CDH12: variants seen among roughly 807,000 people sequenced by gnomAD.
CDH12 encodes the protein cadherin 12, also known as cadherin-12.
CDH12 carries 41 observed loss-of-function variants against 74.1 expected under a neutral mutation model. That is an observed-to-expected ratio of 0.55 (90% CI 0.43 to 0.72). The LOEUF (loss-of-function observed/expected upper bound fraction) is 0.72. Among genes scored for constraint, CDH12 ranks in the 30% least tolerant of loss-of-function variants. CDH12 has a pLI of 0.00. For missense variants in CDH12, 945 were observed against 977.2 expected, an observed-to-expected ratio of 0.97 and a Z score of 0.44; for synonymous variants, 399 against 355.0, an observed-to-expected ratio of 1.12 and a Z score of -1.39.
At chr5:22,617,469 A>C (rs575167094) in intron 1 of CDH12, among the ~76,000 whole-genome samples, 1 of 152,264 alleles carries the variant, frequency 6.6e-6, no homozygotes. Context: ...ACATTGCCTT[A>C]AAATATCTAG....
rs577436070 is a variant in CDH12 at position 21,752,045 on chromosome 5, T to C, written c.2077A>G (p.Ile693Val). ...VIEENKIRRD[I>V]KPDSLCLPRQ... ...GGTAAACAGAGAGAGTCTGGTTTTA[T>C]ATCCCTGCGAATTTTGTTCTCCTCA... is the stretch of plus-strand genomic sequence containing the variant. Residue 693 changes from isoleucine (I) to valine (V), a missense_variant, in exon 15 of 15, where the codon ATA becomes GTA. Physicochemically the swap from Ile to Val is conservative, Grantham distance 29. Around this residue, in one of 3 missense-constraint regions of CDH12, gnomAD observed 791 missense variants for 792.8 expected, o/e 1.00. Transcript: ENST00000382254. The C allele has an allele frequency of 1.2e-6, 2 of 1,614,160 alleles. No homozygotes were observed. Among genetic ancestry groups the C allele is most frequent in the Non-Finnish European group, 1.7e-6 (2 of 1,180,008 alleles).
intron 1 of CDH12, among the ~76,000 whole-genome samples, chr5:22,629,828 G>T (rs1356701446): frequency 5.3e-5 from 8 of 152,028 alleles, no homozygotes; most frequent in African/African-American, 1.2e-4. Context: ...AGCTGTGTCT[G>T]CAGACAACAT....
intron 2 of CDH12, among the ~76,000 whole-genome samples, chr5:22,440,743 T>C (rs531050468): frequency 3.3e-5 from 5 of 152,146 alleles, no homozygotes; most frequent in Non-Finnish European, 7.4e-5. Flanking sequence ...CTGACTCTGA[T>C]CTTCTGCCTC....
At chr5:22,233,154 C>T (rs1271895055) in intron 3 of CDH12, among the ~76,000 whole-genome samples, 1 of 151,698 alleles carries the variant, frequency 6.6e-6, no homozygotes, top group Non-Finnish European at 1.5e-5. Flanking sequence ...CACACATTTG[C>T]AAATCCACTT....
intron 1 of CDH12, among the ~76,000 whole-genome samples, chr5:22,779,032 A>G (rs1747253647): frequency 6.6e-6 from 1 of 152,170 alleles, no homozygotes; most frequent in African/African-American, 2.4e-5. Context: ...ATGTTTTGAT[A>G]TTTACTAAAA....
intron 1 of CDH12, among the ~76,000 whole-genome samples, chr5:22,515,241 T>C (rs1736757904): frequency 6.6e-6 from 1 of 152,262 alleles, no homozygotes; most frequent in African/African-American, 2.4e-5. Flanking sequence ...CGGATTTAAG[T>C]ATATACCAAT....
chr5:22,611,602 G>A (rs926975052), intron 1 of CDH12, among the ~76,000 whole-genome samples: 3 of 152,072 alleles, frequency 2.0e-5, no homozygotes, highest in Non-Finnish European at 2.9e-5. Context: ...ATAGAGAGCA[G>A]TAACCAGAAA....
intron 1 of CDH12, among the ~76,000 whole-genome samples, chr5:22,737,433 GCTTT>G (rs1399992204): frequency 6.6e-6 from 1 of 151,748 alleles, no homozygotes; most frequent in Non-Finnish European, 1.5e-5. Context: ...ACTTTTTTTA[GCTTT>G]CTTTACTGAT....
At chr5:22,823,873 A>G (rs1217878913) in intron 1 of CDH12, among the ~76,000 whole-genome samples, 2 of 152,136 alleles carry the variant, frequency 1.3e-5, no homozygotes, top group African/African-American at 4.8e-5. Context: ...AGAACTGTGC[A>G]TCAATTAAAT....
At chr5:22,037,985 C>T (rs891959509) in intron 5 of CDH12, among the ~76,000 whole-genome samples, 6 of 152,130 alleles carry the variant, frequency 3.9e-5, no homozygotes, top group Admixed American at 6.5e-5. Context: ...ACCTTGGACA[C>T]GTACAGTACT....
At chr5:22,216,407 A>G (rs1302074689) in intron 3 of CDH12, among the ~76,000 whole-genome samples, 1 of 151,924 alleles carries the variant, frequency 6.6e-6, no homozygotes, top group East Asian at 1.9e-4. Context: ...ATTCTTACAC[A>G]AATAGAATCT....
At chr5:22,551,128 G>T (rs904831695) in intron 1 of CDH12, among the ~76,000 whole-genome samples, 1 of 152,198 alleles carries the variant, frequency 6.6e-6, no homozygotes, top group East Asian at 1.9e-4. Flanking sequence ...AGATCATAAG[G>T]GCGGGACCTA....
At chr5:21,937,897 G>T (rs1755147617) in intron 6 of CDH12, among the ~76,000 whole-genome samples, 1 of 152,168 alleles carries the variant, frequency 6.6e-6, no homozygotes, top group Non-Finnish European at 1.5e-5. Context: ...TTTTCATGGG[G>T]AGAGGAGGAG....
intron 4 of CDH12, among the ~76,000 whole-genome samples, chr5:22,144,866 G>A (rs1474185793): frequency 6.6e-6 from 1 of 152,026 alleles, no homozygotes; most frequent in Non-Finnish European, 1.5e-5. Context: ...TACGCATGTT[G>A]TAAAATTTTA....
chr5:22,819,985 A>G (rs1023495653), intron 1 of CDH12, among the ~76,000 whole-genome samples: 1 of 145,612 alleles, frequency 6.9e-6, no homozygotes, highest in Admixed American at 7.0e-5. Flanking sequence ...ATACATATAT[A>G]TACATATACA....
rs1179760123 is a variant in CDH12 at position 22,096,410 on chromosome 5, G to A, written c.-186-17548C>T. ...TCCCAAATCTTCCTTCCCTCCCGCC[G>A]GTCCCCTCAGTCCCAACCCCAAGTG... is the stretch of plus-strand genomic sequence containing the variant. On this transcript the variant is annotated intron_variant, in intron 4 of 14. Transcript: ENST00000382254. 7.9e-5 allele frequency among the ~76,000 whole-genome samples: 12 copies of A among 151,806 alleles called. No homozygotes were observed. In the South Asian group the frequency reaches 1.2e-3, roughly 16 times the overall value.
At chr5:22,760,678 C>CA (rs11284255) in intron 1 of CDH12, among the ~76,000 whole-genome samples, 3,378 of 63,308 alleles carry the variant, frequency 0.053, 261 homozygotes, top group East Asian at 0.12. Flanking sequence ...GACTCCGTCT[C>CA]AAAAAAAAAA....
intron 6 of CDH12, among the ~76,000 whole-genome samples, chr5:21,945,170 A>T (rs1315020717): frequency 6.6e-6 from 1 of 152,124 alleles, no homozygotes; most frequent in East Asian, 1.9e-4. Context: ...CACACCTGTA[A>T]TCCCAGCACT....
At chr5:22,182,059 C>A (rs1217511112) in intron 4 of CDH12, among the ~76,000 whole-genome samples, 3 of 151,942 alleles carry the variant, frequency 2.0e-5, no homozygotes, top group Non-Finnish European at 4.4e-5. Flanking sequence ...ATCTTTAAGC[C>A]CTATAATTAG....
Sources: allele counts gnomAD v4.1 joint callset (sites outside exome capture counted in the v4.1 genomes callset), GRCh38; gene constraint gnomAD v4.1.1; regional missense constraint gnomAD v4.1.1; transcripts MANE v1.5; gene names NCBI Gene and HGNC (gene_info 2026-07-23, HGNC 2026-07-21).